ABCC6: variants seen among roughly 807,000 people sequenced by gnomAD.
The protein encoded by ABCC6 is ATP-binding cassette sub-family C member 6.
Under a neutral mutation model 169.5 loss-of-function variants are expected in ABCC6, and 126 were observed. The observed-to-expected ratio is 0.74, with a 90% CI of 0.64 to 0.86. The LOEUF is 0.86. Ranked by LOEUF, ABCC6 falls within the 40% of genes least tolerant of loss-of-function variation. ABCC6 has a pLI of 0.00. For missense variants in ABCC6, 1,733 were observed against 1,927.2 expected, an observed-to-expected ratio of 0.90 and a Z score of 1.89; for synonymous variants, 752 against 814.7, an observed-to-expected ratio of 0.92 and a Z score of 1.31.
chr16:16,192,341 C>G (rs1468283535), intron 11 of ABCC6, among the ~76,000 whole-genome samples: 2 of 152,054 alleles, frequency 1.3e-5, no homozygotes, highest in South Asian at 2.1e-4. Flanking sequence ...GTCTTTGGCT[C>G]AGTCTGAGGA....
intron 15 of ABCC6, among the ~76,000 whole-genome samples, chr16:16,183,335 C>T (rs1462742328): frequency 1.3e-5 from 2 of 152,172 alleles, no homozygotes; most frequent in South Asian, 2.1e-4. Context: ...ACCAGCCTGG[C>T]CTCCTGCCTT....
At position 16,182,393 on chromosome 16, in the gene ABCC6, A is replaced by G; in HGVS notation, c.2247+19T>C. On this transcript the variant is annotated intron_variant, in intron 17 of 30. Transcript: ENST00000205557. The stretch of plus-strand genomic sequence containing the variant: ...AACTGCAATGTCTCCCTGTCCCAAA[A>G]AGACCCCCAAACTCTCACCTGCTCC... The G allele has an allele frequency of 6.2e-7, 1 of 1,613,206 alleles. No individual in the cohort carries two copies. The highest frequency in any genetic ancestry group is 8.5e-7 in the Non-Finnish European group (1 of 1,180,026).
chr16:16,194,743 T>C (rs1023513537), intron 10 of ABCC6, among the ~76,000 whole-genome samples: 7 of 152,016 alleles, frequency 4.6e-5, no homozygotes, highest in Admixed American at 3.3e-4. Context: ...CAGGCTGGAG[T>C]GCAGTCTCAT....
At chr16:16,214,986 T>A (rs1567544232) in intron 4 of ABCC6, among the ~76,000 whole-genome samples, 2 of 152,322 alleles carry the variant, frequency 1.3e-5, no homozygotes, top group Non-Finnish European at 2.9e-5. Flanking sequence ...CTGGGTTTTG[T>A]CCTTAGCCAC....
At chr16:16,191,647 T>C (rs12920364) in intron 11 of ABCC6, among the ~76,000 whole-genome samples, 2 of 19,084 alleles carry the variant, frequency 1.0e-4, no homozygotes, top group Admixed American at 4.6e-4. Flanking sequence ...TCTTTCCTTT[T>C]ATTTCCTTCC....
At chr16:16,199,865 C>T (rs1421964076) in intron 9 of ABCC6, among the ~76,000 whole-genome samples, 12 of 150,292 alleles carry the variant, frequency 8.0e-5, no homozygotes, top group South Asian at 2.1e-4. Context: ...GCCGGGAGTT[C>T]GAGATCAGCC....
chr16:16,187,613 G>A (rs916596070), intron 13 of ABCC6, among the ~76,000 whole-genome samples: 3 of 152,218 alleles, frequency 2.0e-5, no homozygotes, highest in Non-Finnish European at 4.4e-5. Context: ...ATAGAGATTA[G>A]GCCAGGTGCA....
intron 6 of ABCC6, among the ~76,000 whole-genome samples, chr16:16,209,322 G>A (rs1331833269): frequency 6.6e-6 from 1 of 152,122 alleles, no homozygotes; most frequent in Non-Finnish European, 1.5e-5. Context: ...GACCTCAGGT[G>A]ATCCACCTGC....
intron 21 of ABCC6, chr16:16,172,958 C>A: frequency 2.6e-6 from 1 of 384,494 alleles, no homozygotes; most frequent in South Asian, 2.4e-5. Context: ...AGGAGGATTG[C>A]TTTAGCCCAG....
At chr16:16,195,108 A>C (rs2047989677) in intron 10 of ABCC6, among the ~76,000 whole-genome samples, 2 of 152,050 alleles carry the variant, frequency 1.3e-5, no homozygotes, top group African/African-American at 4.8e-5. Flanking sequence ...AAAAACACTC[A>C]AGGAATGTGA....
chr16:16,219,452 G>C (rs1192879838), intron 4 of ABCC6, 102 bp downstream of exon 4: 1 of 690,924 alleles, frequency 1.4e-6, no homozygotes, highest in African/African-American at 1.8e-5. Flanking sequence ...GTGTGTCACT[G>C]TATAGAGAAT....
chr16:16,170,003 C>G lies in ABCC6; in HGVS notation c.2788-150G>C, dbSNP rs2047006552. 4 of 792,386 alleles carry G rather than the reference C, an allele frequency of 5.0e-6. No homozygotes were observed. The Admixed American group carries it at 8.2e-5, about 16-fold the overall frequency. 49.1% of individuals were successfully genotyped at this position (792,386 alleles called of 1,614,324 possible). A position where few individuals can be genotyped will look rare whatever the true frequency, so the allele number is the denominator to read the frequency against. ...ACTGGTTCTCCCGCTGTGCCTCCCA[C>G]CAGAAGCACCATTTCCCCGACAGGC... On this transcript the variant is annotated intron_variant, in intron 21 of 30. Coordinates refer to ENST00000205557, the MANE Select transcript of ABCC6 (RefSeq NM_001171.6).
At chr16:16,150,898 A>G (rs2046368689) in intron 29 of ABCC6, 126 bp from the exon 30 acceptor site, 1 of 1,517,338 alleles carries the variant, frequency 6.6e-7, no homozygotes, top group Non-Finnish European at 8.9e-7. Flanking sequence ...GCATCCCCAC[A>G]CATGGGGTCT....
chr16:16,165,568 G>T, intron 23 of ABCC6, 55 bp downstream of exon 23: 4 of 1,593,296 alleles, frequency 2.5e-6, no homozygotes, highest in South Asian at 1.1e-5. Flanking sequence ...CAGAGACAGG[G>T]GACTGGCTGA....
chr16:16,221,796 G>T lies in ABCC6; in HGVS notation c.72C>A (p.Thr24=). 3 of 1,613,566 alleles carry T rather than the reference G, an allele frequency of 1.9e-6. No individual in the cohort carries two copies. The South Asian group carries it at 3.3e-5, about 18-fold the overall frequency. The change falls in exon 2 of 31, where the codon ACC becomes ACA. Residue 24 remains threonine, a synonymous_variant. Transcript: ENST00000205557. Reference sequence around the variant, plus strand: ...TCAGGAAGCACAGGCTCAGCAGGCTGGTGGCGGCAGGTTCAGGCTCTGTCT... The same window carrying T: ...TCAGGAAGCACAGGCTCAGCAGGCTTGTGGCGGCAGGTTCAGGCTCTGTCT... ...WNQTEPEPAA[T]SLLSLCFLRT...
intron 18 of ABCC6, 102 bp from the exon 19 acceptor site, chr16:16,177,728 A>G: frequency 1.4e-6 from 2 of 1,445,990 alleles, no homozygotes; most frequent in South Asian, 2.4e-5. Context: ...GGATCACTTG[A>G]GGCCAGAAGT....
intron 11 of ABCC6, 40 bp downstream of exon 11, chr16:16,192,790 C>T: frequency 4.4e-6 from 7 of 1,574,958 alleles, no homozygotes; most frequent in Non-Finnish European, 6.1e-6. Context: ...GGCTTCCTCC[C>T]TACTTCCTGC....
At chr16:16,202,242 G>A in intron 8 of ABCC6, 64 bp from the exon 9 acceptor site, 1 of 1,544,652 alleles carries the variant, frequency 6.5e-7, no homozygotes, top group Non-Finnish European at 8.8e-7. Flanking sequence ...TGTTGCCTTT[G>A]CCCAAACCAG....
intron 9 of ABCC6, 28 bp downstream of exon 9, chr16:16,201,973 A>G (rs764076176): frequency 6.2e-7 from 1 of 1,613,894 alleles, no homozygotes; most frequent in Non-Finnish European, 8.5e-7. Flanking sequence ...CTGGCTGGGA[A>G]GACCTGCCCT....
Sources: allele counts gnomAD v4.1 joint callset (sites outside exome capture counted in the v4.1 genomes callset), GRCh38; gene constraint gnomAD v4.1.1; transcripts MANE v1.5; gene names NCBI Gene and HGNC (gene_info 2026-07-23, HGNC 2026-07-21).